The following ADAMTS19 variants were observed in gnomAD, a reference collection of about 807,000 sequenced individuals.
ADAMTS19 encodes A disintegrin and metalloproteinase with thrombospondin motifs 19.
In ADAMTS19, 93 loss-of-function variants were observed where a neutral mutation model predicts 153.3. The ratio of observed to expected loss-of-function variants is 0.61; its 90% CI spans 0.51 to 0.72. The LOEUF (loss-of-function observed/expected upper bound fraction) is 0.72. Among genes scored for constraint, ADAMTS19 ranks in the 30% least tolerant of loss-of-function variants. The pLI is 0.00. For missense variants in ADAMTS19, 1,482 were observed against 1,552.1 expected (o/e 0.95, Z 0.76); for synonymous variants, 600 against 556.6 (o/e 1.08, Z -1.10).
At position 129,735,107 on chromosome 5, in the gene ADAMTS19, T is replaced by G. The variant is rs1757608169; in HGVS notation, c.3488T>G (p.Leu1163Arg). The change falls in exon 22 of 23, where the codon CTG (leucine) becomes CGG (arginine). Residue 1163 changes from leucine (L) to arginine (R), a missense_variant and splice_region_variant. Leu to Arg is a moderately radical substitution (Grantham distance 102). Transcript: ENST00000274487. ...GTAAATACCATAACATCACCCAGAC[T>G]GGGTAAGCAGACAAAAAAAAAAGAT... ...INVNTITSPR[L>R]AALTFKCLGD... 1.9e-6 allele frequency: 3 copies of G among 1,559,480 alleles called. No homozygotes were observed. The highest frequency in any genetic ancestry group is 2.6e-6 in the Non-Finnish European group (3 of 1,158,232).
intron 21 of ADAMTS19, among the ~76,000 whole-genome samples, chr5:129,705,078 A>T (rs528983238): frequency 1.2e-4 from 18 of 152,316 alleles, no homozygotes; most frequent in Middle Eastern, 3.4e-3. Context: ...GGGTGAAAAT[A>T]GATCTCACAT....
chr5:129,706,743 T>G (rs1222216714), intron 21 of ADAMTS19, among the ~76,000 whole-genome samples: 1 of 152,172 alleles, frequency 6.6e-6, no homozygotes, highest in African/African-American at 2.4e-5. Context: ...CAAATCCTAT[T>G]TGCTTGACAA....
At chr5:129,724,706 T>A (rs1757134807) in intron 21 of ADAMTS19, among the ~76,000 whole-genome samples, 1 of 152,104 alleles carries the variant, frequency 6.6e-6, no homozygotes, top group African/African-American at 2.4e-5. Flanking sequence ...TGTCTTCTGA[T>A]TTTGTGGTGA....
At chr5:129,493,620 T>C (rs924090993) in intron 2 of ADAMTS19, among the ~76,000 whole-genome samples, 4 of 152,200 alleles carry the variant, frequency 2.6e-5, no homozygotes, top group African/African-American at 9.6e-5. Flanking sequence ...CTAGGAAGCA[T>C]CATGATTCTG....
intron 7 of ADAMTS19, among the ~76,000 whole-genome samples, chr5:129,556,416 G>A (rs1753313167): frequency 6.6e-6 from 1 of 152,134 alleles, no homozygotes; most frequent in South Asian, 2.1e-4. Context: ...TGTGCAAGTG[G>A]CAACTATCTC....
rs1407182236 is a variant in ADAMTS19 at position 129,647,667 on chromosome 5, A to G, written c.1873-98A>G. On this transcript the variant is annotated intron_variant, in intron 11 of 22. Coordinates refer to ENST00000274487, the MANE Select transcript of ADAMTS19 (RefSeq NM_133638.6). The stretch of plus-strand genomic sequence containing the variant: ...AATTCCCCATGTTTGTGGCTCTAGT[A>G]GACCTGATTTAATTGCAATTCCAGT... 2.1e-6 allele frequency: 3 copies of G among 1,430,930 alleles called. No homozygotes were observed. The African/African-American group carries it at 4.2e-5, about 20-fold the overall frequency. The allele number at this position is 1,430,930 out of a possible 1,614,324, so 88.6% of individuals were successfully genotyped here. A position where few individuals can be genotyped will look rare whatever the true frequency, so the allele number is the denominator to read the frequency against.
At chr5:129,588,063 C>G (rs1166148888) in intron 7 of ADAMTS19, among the ~76,000 whole-genome samples, 1 of 152,044 alleles carries the variant, frequency 6.6e-6, no homozygotes, top group Non-Finnish European at 1.5e-5. Context: ...ATAGTTGTTC[C>G]CAACAGGAAT....
At chr5:129,654,668 C>T (rs1002507746) in intron 14 of ADAMTS19, among the ~76,000 whole-genome samples, 1 of 152,052 alleles carries the variant, frequency 6.6e-6, no homozygotes, top group Non-Finnish European at 1.5e-5. Context: ...CTGAAAGAAT[C>T]TGAGATTTTG....
At chr5:129,560,160 T>C (rs1255108465) in intron 7 of ADAMTS19, among the ~76,000 whole-genome samples, 1 of 152,236 alleles carries the variant, frequency 6.6e-6, no homozygotes, top group African/African-American at 2.4e-5. Flanking sequence ...AAGATTTAGT[T>C]GACCTGTCCT....
intron 18 of ADAMTS19, among the ~76,000 whole-genome samples, chr5:129,687,145 A>T (rs1368761794): frequency 6.6e-6 from 1 of 152,162 alleles, no homozygotes; most frequent in African/African-American, 2.4e-5. Context: ...AAATATAGTT[A>T]TATTTTTCTC....
chr5:129,491,585 A>G (rs1397859864), intron 2 of ADAMTS19, among the ~76,000 whole-genome samples: 2 of 152,176 alleles, frequency 1.3e-5, no homozygotes, highest in Non-Finnish European at 2.9e-5. Flanking sequence ...TTTTACAAAT[A>G]TATTTCTTTG....
intron 2 of ADAMTS19, among the ~76,000 whole-genome samples, chr5:129,465,555 A>G (rs924704499): frequency 6.6e-6 from 1 of 152,116 alleles, no homozygotes; most frequent in Non-Finnish European, 1.5e-5. Context: ...TGTAAATTCA[A>G]TTATTTTTTA....
At chr5:129,625,445 T>C (rs1213368264) in intron 10 of ADAMTS19, among the ~76,000 whole-genome samples, 1 of 152,226 alleles carries the variant, frequency 6.6e-6, no homozygotes, top group East Asian at 1.9e-4. Context: ...TAGTTTACAG[T>C]CCCACCAACA....
At chr5:129,574,367 A>G (rs1360130222) in intron 7 of ADAMTS19, among the ~76,000 whole-genome samples, 1 of 151,996 alleles carries the variant, frequency 6.6e-6, no homozygotes, top group Non-Finnish European at 1.5e-5. Flanking sequence ...ATAGGTATAC[A>G]TGTGCCATGG....
At chr5:129,658,574 A>G (rs1685304647) in intron 14 of ADAMTS19, 43 bp from the exon 15 acceptor site, 1 of 1,586,730 alleles carries the variant, frequency 6.3e-7, no homozygotes, top group Non-Finnish European at 8.6e-7. Flanking sequence ...AAACAAGAAA[A>G]GAATACTGCT....
intron 2 of ADAMTS19, among the ~76,000 whole-genome samples, chr5:129,476,331 A>T (rs1750226007): frequency 6.6e-6 from 1 of 152,212 alleles, no homozygotes; most frequent in Admixed American, 6.5e-5. Context: ...AATACAAAAT[A>T]GGAAATCACA....
chr5:129,531,021 T>C (rs1222811351), intron 6 of ADAMTS19, among the ~76,000 whole-genome samples: 1 of 152,086 alleles, frequency 6.6e-6, no homozygotes, highest in Non-Finnish European at 1.5e-5. Flanking sequence ...AGTGAACAAT[T>C]GGAAAAAAAC....
chr5:129,573,608 C>T (rs1280855626), intron 7 of ADAMTS19, among the ~76,000 whole-genome samples: 2 of 152,006 alleles, frequency 1.3e-5, no homozygotes, highest in Non-Finnish European at 2.9e-5. Context: ...CTATGGTTCA[C>T]AAGAAAAGCA....
At chr5:129,512,803 C>G (rs973280676) in intron 3 of ADAMTS19, among the ~76,000 whole-genome samples, 1 of 152,022 alleles carries the variant, frequency 6.6e-6, no homozygotes, top group African/African-American at 2.4e-5. Flanking sequence ...ATTTTATAAA[C>G]TATCCTCCTT....
Sources: allele counts gnomAD v4.1 joint callset (sites outside exome capture counted in the v4.1 genomes callset), GRCh38; gene constraint gnomAD v4.1.1; transcripts MANE v1.5; gene names NCBI Gene and HGNC (gene_info 2026-07-23, HGNC 2026-07-21).